Variants in RPGRIP1L observed in about 807,000 individuals in gnomAD.
RPGRIP1L encodes the protein RPGRIP1 like.
A neutral mutation model predicts 160.4 loss-of-function variants in RPGRIP1L; 131 were observed. The observed-to-expected ratio is 0.82, with a 90% confidence interval of 0.71 to 0.94. The LOEUF is 0.94. Among genes scored for constraint, RPGRIP1L ranks in the 40% least tolerant of loss-of-function variants. The pLI, the probability that RPGRIP1L is intolerant of heterozygous loss-of-function variation, is 0.00. For synonymous variants in RPGRIP1L, 510 were observed against 515.8 expected (o/e 0.99, Z 0.15); for missense variants, 1,522 against 1,535.8 (o/e 0.99, Z 0.15).
Position 53,600,052 on chromosome 16 carries a change from G to C in RPGRIP1L, c.*2024C>G, listed in dbSNP as rs1333731784. 2.0e-5 allele frequency: 3 copies of C among 152,262 alleles called. No homozygotes were observed. The highest frequency in any genetic ancestry group is 6.5e-5 in the Admixed American group (1 of 15,272). The allele number at this position is 152,262 out of a possible 1,614,324, so 9.4% of individuals were successfully genotyped here. A position where few individuals can be genotyped will look rare whatever the true frequency, so the allele number is the denominator to read the frequency against. Reference sequence around the variant, plus strand: ...GAAAAACTTTTCCTTTCCACTTAATGATCCTAAGAAGTCAGTGCAATCTGG... The same window carrying C: ...GAAAAACTTTTCCTTTCCACTTAATCATCCTAAGAAGTCAGTGCAATCTGG... On this transcript the variant is annotated 3_prime_UTR_variant, in exon 27 of 27. Coordinates refer to ENST00000647211, the MANE Select transcript of RPGRIP1L (RefSeq NM_015272.5).
At chr16:53,629,869 A>G (rs1347306683) in intron 22 of RPGRIP1L, among the ~76,000 whole-genome samples, 1 of 152,198 alleles carries the variant, frequency 6.6e-6, no homozygotes, top group African/African-American at 2.4e-5. Context: ...TTCCAATAAC[A>G]GTAGAGGGCT....
At chr16:53,663,391 C>T (rs1967975447) in intron 10 of RPGRIP1L, among the ~76,000 whole-genome samples, 1 of 151,970 alleles carries the variant, frequency 6.6e-6, no homozygotes, top group Non-Finnish European at 1.5e-5. Flanking sequence ...CAAAAGATAA[C>T]AGCTTTAGGA....
At chr16:53,659,150 C>T (rs1315918456) in intron 10 of RPGRIP1L, 3 of 849,700 alleles carry the variant, frequency 3.5e-6, no homozygotes, top group Non-Finnish European at 4.5e-6. Context: ...TCTGGGACTT[C>T]AAAGGAATGT....
Position 53,692,205 on chromosome 16 carries a change from T to G in RPGRIP1L, c.390A>C (p.Lys130Asn), listed in dbSNP as rs1480752756. 1 of 1,614,194 alleles carries G rather than the reference T, an allele frequency of 6.2e-7. No individual in the cohort carries two copies. Among genetic ancestry groups the G allele is most frequent in the African/African-American group, 1.3e-5 (1 of 75,044 alleles). Reference sequence around the variant, plus strand: ...GCTGTTTGGCTGAAATCAGTCTGTTTTTGAGGGTTTCATTTTGTTTTTCAA... The same window carrying G: ...GCTGTTTGGCTGAAATCAGTCTGTTGTTGAGGGTTTCATTTTGTTTTTCAA... ...HELEKQNETLKNRLISAKQQL... is the reference protein window; with the variant it reads ...HELEKQNETLNNRLISAKQQL... Residue 130 changes from lysine to asparagine, a missense_variant, in exon 4 of 27, where the codon AAA (lysine) becomes AAC (asparagine). Coordinates refer to ENST00000647211, the MANE Select transcript of RPGRIP1L (RefSeq NM_015272.5).
At chr16:53,649,140 G>T (rs374876580) in intron 15 of RPGRIP1L, 25 bp from the exon 16 acceptor site, 1 of 1,607,118 alleles carries the variant, frequency 6.2e-7, no homozygotes, top group Non-Finnish European at 8.5e-7. Context: ...ATAACCCAAG[G>T]TTAAAATAGT....
chr16:53,616,683 T>C (rs1440034252), intron 24 of RPGRIP1L, among the ~76,000 whole-genome samples: 1 of 152,190 alleles, frequency 6.6e-6, no homozygotes, highest in African/African-American at 2.4e-5. Flanking sequence ...CTGGTTTTCT[T>C]GCTGCTATCA....
rs1963297789 is a variant in RPGRIP1L, at chr16:53,599,677, T to C, written c.*2399A>G. On this transcript the variant is annotated 3_prime_UTR_variant, in exon 27 of 27. Transcript: ENST00000647211. ...CCAAGCCCTCTTCAATGGATCCAGTTTGGCTCACCAAGAGAAATCCACTGC... is the reference window on the plus strand; with the variant it reads ...CCAAGCCCTCTTCAATGGATCCAGTCTGGCTCACCAAGAGAAATCCACTGC... 1 of 152,194 alleles carries C rather than the reference T, an allele frequency of 6.6e-6. No individual in the cohort carries two copies. The highest frequency in any genetic ancestry group is 1.5e-5 in the Non-Finnish European group (1 of 68,026). The allele number at this position is 152,194 out of a possible 1,614,324, so 9.4% of individuals were successfully genotyped here.
intron 9 of RPGRIP1L, among the ~76,000 whole-genome samples, chr16:53,670,812 G>C (rs1179438354): frequency 3.3e-5 from 5 of 152,116 alleles, no homozygotes; most frequent in Admixed American, 3.3e-4. Context: ...TAAAAGGTAT[G>C]GGCTGGGCGC....
chr16:53,677,998 C>T (rs1969315309), intron 6 of RPGRIP1L, among the ~76,000 whole-genome samples: 1 of 152,128 alleles, frequency 6.6e-6, no homozygotes, highest in South Asian at 2.1e-4. Context: ...CTGCATTACA[C>T]ATGGTGAAAT....
intron 4 of RPGRIP1L, among the ~76,000 whole-genome samples, chr16:53,690,115 T>A (rs1376386301): frequency 6.6e-6 from 1 of 152,228 alleles, no homozygotes; most frequent in Non-Finnish European, 1.5e-5. Context: ...AAAGCATGAA[T>A]AATACAGAAA....
intron 4 of RPGRIP1L, among the ~76,000 whole-genome samples, chr16:53,689,779 A>C (rs1311808440): frequency 6.6e-6 from 1 of 152,208 alleles, no homozygotes; most frequent in Non-Finnish European, 1.5e-5. Flanking sequence ...AGGTTTACTC[A>C]TAAAGACGGA....
rs774059782 is a variant in RPGRIP1L at position 53,686,447 on chromosome 16, T to C, written c.762A>G (p.Gln254=). 1.4e-5 allele frequency: 22 copies of C among 1,613,294 alleles called. No homozygotes were observed. Residue 254 remains glutamine (Q), a synonymous_variant, in exon 6 of 27, where the codon CAA becomes CAG. Coordinates refer to ENST00000647211, the MANE Select transcript of RPGRIP1L (RefSeq NM_015272.5). ...TTTTAACATACCTTTGATCTGTAGC[T>C]TGCTGTTCTCGAAGCTGAAGAAGAG... The part of the protein sequence containing the change: ...ELSLLQLREQ[Q]ATDQRSNIRD...
chr16:53,605,474 C>T lies in RPGRIP1L; in HGVS notation c.3835+7G>A, dbSNP rs749565778. 1 of 1,614,092 alleles carries T rather than the reference C, an allele frequency of 6.2e-7. No individual in the cohort carries two copies. Among genetic ancestry groups the T allele is most frequent in the Non-Finnish European group, 8.5e-7 (1 of 1,179,986 alleles). On this transcript the variant is annotated splice_region_variant and intron_variant, in intron 26 of 26. Coordinates refer to ENST00000647211, the MANE Select transcript of RPGRIP1L (RefSeq NM_015272.5). ...TTGCACAAACTGAGCAACACTTTCACCCATACCATCGATATTTTGCTCAAT... is the reference window on the plus strand; with the variant it reads ...TTGCACAAACTGAGCAACACTTTCATCCATACCATCGATATTTTGCTCAAT...
intron 2 of RPGRIP1L, among the ~76,000 whole-genome samples, chr16:53,700,222 CAT>C (rs1384417490): frequency 1.3e-5 from 2 of 152,216 alleles, no homozygotes; most frequent in East Asian, 1.9e-4. Context: ...AAGTCACTAT[CAT>C]GTGAGATATT....
intron 3 of RPGRIP1L, 118 bp from the exon 4 acceptor site, chr16:53,692,482 G>C: frequency 2.1e-6 from 2 of 966,242 alleles, no homozygotes; most frequent in Non-Finnish European, 3.2e-6. Context: ...ATAAATTTCA[G>C]GTTTTGATGT....
intron 9 of RPGRIP1L, among the ~76,000 whole-genome samples, chr16:53,669,015 A>G (rs938239993): frequency 1.3e-5 from 2 of 152,214 alleles, no homozygotes; most frequent in Non-Finnish European, 2.9e-5. Context: ...TTCTCCTGAA[A>G]ACTAGTCAAT....
At chr16:53,692,544 A>G (rs1426454793) in intron 3 of RPGRIP1L, among the ~76,000 whole-genome samples, 180 bp from the exon 4 acceptor site, 1 of 152,224 alleles carries the variant, frequency 6.6e-6, no homozygotes, top group African/African-American at 2.4e-5. Context: ...ACCACTGGGC[A>G]ACAATCTGCT....
intron 22 of RPGRIP1L, among the ~76,000 whole-genome samples, chr16:53,631,385 G>A (rs1178447534): frequency 6.6e-6 from 1 of 152,162 alleles, no homozygotes; most frequent in Admixed American, 6.5e-5. Flanking sequence ...AATATGCACT[G>A]CACAGAAGAG....
At chr16:53,623,187 C>T (rs1022088939) in intron 22 of RPGRIP1L, among the ~76,000 whole-genome samples, 3 of 152,026 alleles carry the variant, frequency 2.0e-5, no homozygotes, top group Non-Finnish European at 4.4e-5. Flanking sequence ...CAATAGCTTC[C>T]TAGTTATCAG....
Sources: gnomAD v4.1 joint callset for allele counts (sites outside exome capture counted in the v4.1 genomes callset) on GRCh38, gnomAD v4.1.1 for gene constraint, MANE v1.5 for transcripts, NCBI Gene and HGNC (gene_info 2026-07-23, HGNC 2026-07-21) for gene names.